Variants in ZNF257 observed in about 807,000 individuals in gnomAD.
ZNF257 encodes zinc finger protein 257.
In ZNF257, 12 loss-of-function variants were observed where a neutral mutation model predicts 11.9. The ratio of observed to expected loss-of-function variants is 1.01; its 90% CI spans 0.65 to 1.63. The LOEUF (loss-of-function observed/expected upper bound fraction) is 1.63, where lower values mean the gene tolerates loss of function less well. Ranked by LOEUF, ZNF257 falls within the 40% of genes most tolerant of loss-of-function variation. The pLI is 0.00. For missense variants in ZNF257, 580 were observed against 665.5 expected, an observed-to-expected ratio of 0.87 and a Z score of 1.41; for synonymous variants, 183 against 222.7, an observed-to-expected ratio of 0.82 and a Z score of 1.59.
intron 2 of ZNF257, 40 bp from the exon 3 acceptor site, chr19:22,073,429 A>G (rs1204733534): frequency 1.3e-6 from 2 of 1,574,146 alleles, no homozygotes; most frequent in Non-Finnish European, 1.7e-6. Context: ...GTAATTGGAG[A>G]ATATGAGCAA....
chr19:22,069,164 T>C (rs1444266427), intron 1 of ZNF257, among the ~76,000 whole-genome samples: 1 of 152,088 alleles, frequency 6.6e-6, no homozygotes, highest in Non-Finnish European at 1.5e-5. Flanking sequence ...ATTAGAATAA[T>C]AGATGTAGCA....
intron 1 of ZNF257, chr19:22,060,511 G>T (rs575726082): frequency 6.7e-6 from 1 of 148,470 alleles, no homozygotes; most frequent in East Asian, 2.0e-4. Context: ...TTCCGAGATG[G>T]AGTCTTGCTC....
Position 22,088,041 on chromosome 19 carries a change from A to T in ZNF257, c.291A>T (p.Lys97Asn), listed in dbSNP as rs1464806812. The T allele has an allele frequency of 6.3e-7, 1 of 1,576,366 alleles. No individual in the cohort carries two copies. The highest frequency in any genetic ancestry group is 8.6e-7 in the Non-Finnish European group (1 of 1,160,460). ...GAGACATAAAATATTTTTTCCAAAA[A>T]GTCATACTGAGGAGATATGATAAAT... ...PERDIKYFFQ[K>N]VILRRYDKCE... Residue 97 changes from lysine to asparagine, a missense_variant, in exon 4 of 4, where the codon AAA (lysine) becomes AAT (asparagine). Physicochemically the swap from Lys to Asn is moderately conservative, Grantham distance 94 (BLOSUM62 0). Coordinates refer to ENST00000594947, the MANE Select transcript of ZNF257 (RefSeq NM_033468.4).
At chr19:22,078,620 ATGT>A (rs894317580) in intron 3 of ZNF257, among the ~76,000 whole-genome samples, 33 of 152,064 alleles carry the variant, frequency 2.2e-4, no homozygotes, top group Admixed American at 5.2e-4. Context: ...GATGCATTTA[ATGT>A]TGTATCTAAA....
chr19:22,061,032 G>C (rs143893248), intron 1 of ZNF257, among the ~76,000 whole-genome samples: 8 of 151,658 alleles, frequency 5.3e-5, no homozygotes, highest in African/African-American at 1.9e-4. Flanking sequence ...CTGTAGCCCT[G>C]TGGTTTAAAG....
chr19:22,055,593 C>G (rs933613093), intron 1 of ZNF257, among the ~76,000 whole-genome samples: 1 of 152,058 alleles, frequency 6.6e-6, no homozygotes, highest in African/African-American at 2.4e-5. Context: ...TAAAATGATC[C>G]TGGGCCACTC....
intron 1 of ZNF257, among the ~76,000 whole-genome samples, chr19:22,062,214 C>T (rs2021817587): frequency 6.9e-6 from 1 of 144,036 alleles, no homozygotes; most frequent in East Asian, 2.1e-4. Context: ...GCACCCACCA[C>T]TGCGCCTGCT....
intron 1 of ZNF257, among the ~76,000 whole-genome samples, chr19:22,053,488 C>T (rs1971749755): frequency 6.6e-6 from 1 of 151,378 alleles, no homozygotes; most frequent in Admixed American, 6.6e-5. Flanking sequence ...AAACCAAATT[C>T]AGTAATTGGT....
In ZNF257 at chr19:22,089,085, C is replaced by T. The variant is rs1454668087; in HGVS notation, c.1335C>T (p.Tyr445=). ...GCAAAGCCTTTAACCGGTCTTCATACCTTATTCGACATAAGATAATTCATA... is the reference window on the plus strand; with the variant it reads ...GCAAAGCCTTTAACCGGTCTTCATATCTTATTCGACATAAGATAATTCATA... ...ECGKAFNRSS[Y]LIRHKIIHTG... Residue 445 remains tyrosine, a synonymous_variant, in exon 4 of 4, where the codon TAC becomes TAT. Coordinates refer to ENST00000594947, the MANE Select transcript of ZNF257 (RefSeq NM_033468.4). 1.9e-6 allele frequency: 3 copies of T among 1,613,588 alleles called. No individual in the cohort carries two copies. Among genetic ancestry groups the T allele is most frequent in the South Asian group, 2.2e-5 (2 of 91,026 alleles).
chr19:22,079,414 C>T (rs1442890851), intron 3 of ZNF257, among the ~76,000 whole-genome samples: 1 of 152,118 alleles, frequency 6.6e-6, no homozygotes, highest in Non-Finnish European at 1.5e-5. Flanking sequence ...CTAATAAGAA[C>T]ATACCCAAGA....
chr19:22,072,262 A>C (rs2145702144), intron 1 of ZNF257, among the ~76,000 whole-genome samples: 1 of 152,282 alleles, frequency 6.6e-6, no homozygotes, highest in South Asian at 2.1e-4. Flanking sequence ...ATTTTTATGC[A>C]GCGGATGTGC....
At chr19:22,084,950 A>C (rs2022443094) in intron 3 of ZNF257, among the ~76,000 whole-genome samples, 1 of 152,024 alleles carries the variant, frequency 6.6e-6, no homozygotes, top group South Asian at 2.1e-4. Flanking sequence ...GCTGGTTTCA[A>C]ACTCCTGACC....
chr19:22,086,924 T>G (rs1023622613), intron 3 of ZNF257, among the ~76,000 whole-genome samples: 2 of 151,860 alleles, frequency 1.3e-5, no homozygotes, highest in Non-Finnish European at 2.9e-5. Context: ...TGTATTTTTG[T>G]TTTTTGAACT....
At chr19:22,083,864 G>C (rs936942960) in intron 3 of ZNF257, among the ~76,000 whole-genome samples, 7 of 152,078 alleles carry the variant, frequency 4.6e-5, no homozygotes, top group Non-Finnish European at 8.8e-5. Flanking sequence ...ATGTGGTCCG[G>C]TGTGGTAGCT....
chr19:22,083,588 A>G (rs914161612), intron 3 of ZNF257, among the ~76,000 whole-genome samples: 1 of 152,188 alleles, frequency 6.6e-6, no homozygotes, highest in Non-Finnish European at 1.5e-5. Flanking sequence ...TTTTTTAGTT[A>G]TATTGACATT....
intron 1 of ZNF257, among the ~76,000 whole-genome samples, chr19:22,059,090 C>G (rs1057195280): frequency 6.6e-6 from 1 of 152,198 alleles, no homozygotes; most frequent in Non-Finnish European, 1.5e-5. Flanking sequence ...ATCTGTAGCA[C>G]AAACCAGTCC....
intron 1 of ZNF257, among the ~76,000 whole-genome samples, chr19:22,070,413 CACTT>C (rs1297615136): frequency 1.3e-5 from 2 of 152,050 alleles, no homozygotes; most frequent in African/African-American, 2.4e-5. Flanking sequence ...AATTATTAAA[CACTT>C]AGTACCAATT....
intron 1 of ZNF257, among the ~76,000 whole-genome samples, chr19:22,061,923 GT>G (rs1448060540): frequency 6.6e-6 from 1 of 151,112 alleles, no homozygotes; most frequent in African/African-American, 2.4e-5. Flanking sequence ...CTTTCATTAT[GT>G]TTATGTAATA....
intron 3 of ZNF257, 77 bp downstream of exon 3, chr19:22,073,641 A>C (rs755016039): frequency 4.6e-6 from 7 of 1,506,586 alleles, no homozygotes; most frequent in Non-Finnish European, 5.3e-6. Context: ...CAAGTCCTTA[A>C]AATGTCATTT....
Sources: allele counts gnomAD v4.1 joint callset (sites outside exome capture counted in the v4.1 genomes callset), GRCh38; gene constraint gnomAD v4.1.1; transcripts MANE v1.5; gene names NCBI Gene and HGNC (gene_info 2026-07-23, HGNC 2026-07-21).